ACMSD: variants seen among roughly 807,000 people sequenced by gnomAD.
The protein encoded by ACMSD is aminocarboxymuconate semialdehyde decarboxylase, also known as 2-amino-3-carboxymuconate-6-semialdehyde decarboxylase.
A neutral mutation model predicts 45.9 loss-of-function variants in ACMSD; 37 were observed. The ratio of observed to expected loss-of-function variants is 0.81; its 90% CI spans 0.62 to 1.06. ACMSD has a LOEUF of 1.06. Ranked by LOEUF, ACMSD falls within the 50% of genes least tolerant of loss-of-function variation. The pLI is 0.00. For synonymous variants in ACMSD, 138 were observed against 148.8 expected, an observed-to-expected ratio of 0.93 and a Z score of 0.53; for missense variants, 434 against 420.9, an observed-to-expected ratio of 1.03 and a Z score of -0.27.
chr2:134,869,335 C>T (rs1270484196), intron 6 of ACMSD, among the ~76,000 whole-genome samples: 1 of 152,086 alleles, frequency 6.6e-6, no homozygotes, highest in Non-Finnish European at 1.5e-5. Flanking sequence ...GCCTCAGCCT[C>T]CCAAGTAGCT....
rs2197580 is a variant in ACMSD at position 134,840,929 on chromosome 2, C to T, written c.57+2190C>T. ...CCTCATCTGCTTCCCACCCTTTCCC[C>T]GAGTCCCCAAAGTCCATCGTGTCAT... On this transcript the variant is annotated intron_variant, in intron 1 of 9. Transcript: ENST00000356140. 0.026 allele frequency among the ~76,000 whole-genome samples: 3,943 copies of T among 152,206 alleles called. 238 individuals carry two copies. The East Asian group carries it at 0.28, about 11-fold the overall frequency.
At chr2:134,868,451 CTT>C (rs1170969126) in intron 6 of ACMSD, among the ~76,000 whole-genome samples, 14 of 124,202 alleles carry the variant, frequency 1.1e-4, no homozygotes, top group South Asian at 2.6e-4. Context: ...ATATTTTTTT[CTT>C]TTTTTTTTTT....
chr2:134,886,300 G>A (rs1163710706), intron 8 of ACMSD, among the ~76,000 whole-genome samples: 1 of 138,280 alleles, frequency 7.2e-6, no homozygotes, highest in African/African-American at 2.8e-5. Flanking sequence ...CCAGGCTGAC[G>A]TGCAGTGGCG....
In ACMSD at chr2:134,861,901, T is replaced by C; in HGVS notation, c.200-68T>C. On this transcript the variant is annotated intron_variant, in intron 3 of 9. Coordinates refer to ENST00000356140, the MANE Select transcript of ACMSD (RefSeq NM_138326.3). Reference sequence around the variant, plus strand: ...GGTGGAGGCTTGCTGCCGCTTGGCCTTGGGAAAGGAAGGAGTGCCCAGCCT... The same window carrying C: ...GGTGGAGGCTTGCTGCCGCTTGGCCCTGGGAAAGGAAGGAGTGCCCAGCCT... 3.8e-6 allele frequency: 6 copies of C among 1,580,752 alleles called. 1 individual carries two copies. In the South Asian group the frequency reaches 6.6e-5, roughly 17 times the overall value.
In ACMSD at chr2:134,863,423, G is replaced by C. The variant is rs763775621; in HGVS notation, c.278G>C (p.Cys93Ser). 2 of 1,614,184 alleles carry C rather than the reference G, an allele frequency of 1.2e-6. No individual in the cohort carries two copies. Among genetic ancestry groups the C allele is most frequent in the Non-Finnish European group, 1.7e-6 (2 of 1,180,040 alleles). ...AAACCTGAGGACACTTTAAACCTGT[G>C]CCAGCTTTTAAACAACGACCTTGCC... Reference protein sequence around the residue: ...WAKPEDTLNLCQLLNNDLAST... With the variant: ...WAKPEDTLNLSQLLNNDLAST... Residue 93 changes from cysteine to serine, a missense_variant, in exon 5 of 10, where the codon TGC becomes TCC. Coordinates refer to ENST00000356140, the MANE Select transcript of ACMSD (RefSeq NM_138326.3).
At chr2:134,878,225 G>A (rs1031489422) in intron 8 of ACMSD, among the ~76,000 whole-genome samples, 2 of 152,198 alleles carry the variant, frequency 1.3e-5, no homozygotes, top group African/African-American at 4.8e-5. Flanking sequence ...AGCTTCAGAG[G>A]AGGTCACTAG....
intron 2 of ACMSD, among the ~76,000 whole-genome samples, chr2:134,856,902 A>G (rs1324160576): frequency 5.4e-5 from 6 of 110,214 alleles, no homozygotes; most frequent in South Asian, 4.0e-4. Flanking sequence ...CATGAAATGT[A>G]TGGTTTTTTT....
intron 2 of ACMSD, among the ~76,000 whole-genome samples, chr2:134,848,292 C>T (rs1463039983): frequency 6.6e-6 from 1 of 152,182 alleles, no homozygotes; most frequent in Non-Finnish European, 1.5e-5. Context: ...TGGGTATATA[C>T]CCAGTGATGA....
chr2:134,875,922 C>A (rs962305489), intron 8 of ACMSD, among the ~76,000 whole-genome samples: 3 of 152,210 alleles, frequency 2.0e-5, no homozygotes, highest in Non-Finnish European at 4.4e-5. Context: ...CAGCCTACTA[C>A]ACACCTAAAC....
intron 1 of ACMSD, among the ~76,000 whole-genome samples, chr2:134,842,485 ACTG>A (rs1250593199): frequency 6.6e-6 from 1 of 151,956 alleles, no homozygotes; most frequent in East Asian, 1.9e-4. Flanking sequence ...CACCATCCCC[ACTG>A]CTACTATCAC....
chr2:134,853,435 G>T (rs1411741477), intron 2 of ACMSD, among the ~76,000 whole-genome samples: 3 of 151,920 alleles, frequency 2.0e-5, no homozygotes, highest in Non-Finnish European at 4.4e-5. Context: ...AAAAAAACTT[G>T]ATTTTCTTTT....
rs1156817378 is a variant in ACMSD at position 134,867,558 on chromosome 2, T to C, written c.487-21T>C. On this transcript the variant is annotated intron_variant, in intron 5 of 9. Coordinates refer to ENST00000356140, the MANE Select transcript of ACMSD (RefSeq NM_138326.3). ...ACTCATCAAAGTAACCCTCTCTCTCTCTCTCATTGCTTCTTTGAAGGCAGC... is the reference window on the plus strand; with the variant it reads ...ACTCATCAAAGTAACCCTCTCTCTCCCTCTCATTGCTTCTTTGAAGGCAGC... The C allele has an allele frequency of 9.4e-6, 15 of 1,600,876 alleles. No individual in the cohort carries two copies. In the Admixed American group the frequency reaches 2.2e-4, roughly 23 times the overall value.
rs144313556 is a variant in ACMSD, at chr2:134,890,457, AAT to A, written c.850-7881_850-7880del. Among the ~76,000 whole-genome samples, 367 of 152,216 alleles carry A rather than the reference AAT, an allele frequency of 2.4e-3. 1 individual carries two copies. The highest frequency in any genetic ancestry group is 8.3e-3 in the African/African-American group (346 of 41,576). Reference sequence around the variant, plus strand: ...CTTCAGAGACATAACAACTAAATTTAATATGTGATCATCAATTAGATCTTCGA... The same window carrying A: ...CTTCAGAGACATAACAACTAAATTTAATGTGATCATCAATTAGATCTTCGA... On this transcript the variant is annotated intron_variant, in intron 8 of 9. Transcript: ENST00000356140.
chr2:134,863,542 G>C lies in ACMSD; in HGVS notation c.397G>C (p.Val133Leu), dbSNP rs777924955. 2.5e-6 allele frequency: 4 copies of C among 1,614,212 alleles called. No homozygotes were observed. Among genetic ancestry groups the C allele is most frequent in the Non-Finnish European group, 3.4e-6 (4 of 1,180,024 alleles). Residue 133 changes from valine (V) to leucine (L), a missense_variant, in exon 5 of 10, where the codon GTG becomes CTG. By Grantham distance (32) the Val-to-Leu change is conservative. Coordinates refer to ENST00000356140, the MANE Select transcript of ACMSD (RefSeq NM_138326.3). ...GGCGGTCAAGGAGATGGAGCGCTGTGTGAAAGAGCTGGGCTTTCCCGGGGT... is the reference window on the plus strand; with the variant it reads ...GGCGGTCAAGGAGATGGAGCGCTGTCTGAAAGAGCTGGGCTTTCCCGGGGT... ...ELAVKEMERC[V>L]KELGFPGVQI...
chr2:134,857,545 C>T (rs967034249), intron 2 of ACMSD, among the ~76,000 whole-genome samples: 5 of 152,030 alleles, frequency 3.3e-5, no homozygotes, highest in African/African-American at 7.2e-5. Flanking sequence ...TATTCTGCAA[C>T]GTTACCCAAT....
chr2:134,878,436 C>A (rs531887142), intron 8 of ACMSD, among the ~76,000 whole-genome samples: 25 of 152,346 alleles, frequency 1.6e-4, no homozygotes, highest in African/African-American at 5.8e-4. Flanking sequence ...AAGGGATCCT[C>A]CAGCCTCAGT....
At chr2:134,887,692 G>A (rs999805983) in intron 8 of ACMSD, among the ~76,000 whole-genome samples, 12 of 152,156 alleles carry the variant, frequency 7.9e-5, no homozygotes, top group South Asian at 2.1e-4. Flanking sequence ...ATGAGCTGCC[G>A]TGTGCAGCCC....
At chr2:134,870,063 C>T (rs1178308744) in intron 6 of ACMSD, among the ~76,000 whole-genome samples, 2 of 152,196 alleles carry the variant, frequency 1.3e-5, no homozygotes, top group African/African-American at 2.4e-5. Flanking sequence ...TGACCAGCCC[C>T]GGGCAGAATG....
chr2:134,842,825 C>G, intron 1 of ACMSD, among the ~76,000 whole-genome samples: 1 of 152,178 alleles, frequency 6.6e-6, no homozygotes, highest in East Asian at 1.9e-4. Context: ...CCAACAAAGT[C>G]AAGTGCCTTG....
Sources: gnomAD v4.1 joint callset for allele counts (sites outside exome capture counted in the v4.1 genomes callset) on GRCh38, gnomAD v4.1.1 for gene constraint, MANE v1.5 for transcripts, NCBI Gene and HGNC (gene_info 2026-07-23, HGNC 2026-07-21) for gene names.